Variants in TRIQK observed in about 807,000 individuals in gnomAD.
TRIQK encodes the protein triple QxxK/R motif containing.
TRIQK carries 10 observed loss-of-function variants against 10.8 expected under a neutral mutation model. The observed-to-expected ratio is 0.92, with a 90% CI of 0.57 to 1.57. The LOEUF is 1.57. Among genes scored for constraint, TRIQK ranks in the 40% most tolerant of loss-of-function variants. The pLI is 0.00. For synonymous variants in TRIQK, 33 were observed against 33.7 expected, an observed-to-expected ratio of 0.98 and a Z score of 0.07; for missense variants, 107 against 97.7, an observed-to-expected ratio of 1.09 and a Z score of -0.40.
At chr8:92,903,220 G>T (rs975915243) in intron 3 of TRIQK, among the ~76,000 whole-genome samples, 1 of 152,120 alleles carries the variant, frequency 6.6e-6, no homozygotes, top group African/African-American at 2.4e-5. Context: ...AATAAGAAGT[G>T]CATTTATTTT....
intron 2 of TRIQK, among the ~76,000 whole-genome samples, chr8:92,923,239 T>C (rs1205533826): frequency 1.3e-5 from 2 of 151,816 alleles, no homozygotes; most frequent in African/African-American, 2.4e-5. Flanking sequence ...GATGGTTAGA[T>C]AGCAAACTCC....
chr8:92,886,315 A>C lies in TRIQK; in HGVS notation c.*307T>G, dbSNP rs1252628911. On this transcript the variant is annotated 3_prime_UTR_variant, in exon 5 of 5. Transcript: ENST00000521988. The stretch of plus-strand genomic sequence containing the variant: ...ACTCATCAGGAAGTGATGGAATTAT[A>C]CACATAAATTGGCAATGACATTTGA... 1.1e-5 allele frequency: 2 copies of C among 175,786 alleles called. No homozygotes were observed. The highest frequency in any genetic ancestry group is 4.7e-5 in the African/African-American group (2 of 42,166). The allele number at this position is 175,786 out of a possible 1,614,324, so 10.9% of individuals were successfully genotyped here.
intron 3 of TRIQK, among the ~76,000 whole-genome samples, chr8:92,916,058 T>C (rs1325546388): frequency 6.6e-6 from 1 of 152,096 alleles, no homozygotes; most frequent in Non-Finnish European, 1.5e-5. Context: ...AAAGCAATGG[T>C]ACAGATGGAA....
intron 2 of TRIQK, among the ~76,000 whole-genome samples, chr8:92,932,072 G>T (rs1004623893): frequency 6.6e-6 from 1 of 152,108 alleles, no homozygotes; most frequent in Admixed American, 6.6e-5. Flanking sequence ...ACTTCAAGCC[G>T]TCAGCTTCCA....
In TRIQK at chr8:92,885,827, T is replaced by C. The variant is rs1300438002; in HGVS notation, c.*795A>G. 2 of 151,692 alleles carry C rather than the reference T, an allele frequency of 1.3e-5. No individual in the cohort carries two copies. The highest frequency in any genetic ancestry group is 4.8e-5 in the African/African-American group (2 of 41,388). The allele number at this position is 151,692 out of a possible 1,614,324, so 9.4% of individuals were successfully genotyped here. On this transcript the variant is annotated 3_prime_UTR_variant, in exon 5 of 5. Coordinates refer to ENST00000521988, the MANE Select transcript of TRIQK (RefSeq NM_001171797.2). ...ATGTGAAAAAGACTGCTCAATTAAA[T>C]GACAGATTGTTACATATCTCCCTAA...
chr8:92,901,660 G>C (rs926940705), intron 3 of TRIQK, among the ~76,000 whole-genome samples: 5 of 151,976 alleles, frequency 3.3e-5, no homozygotes, highest in Non-Finnish European at 2.9e-5. Flanking sequence ...GAATTTGGTT[G>C]AGGATTTTTG....
In TRIQK at chr8:92,916,976, T is replaced by A. The variant is rs1470746184; in HGVS notation, c.14A>T (p.Asp5Val). The change falls in exon 3 of 5, where the codon GAT becomes GTT. Residue 5 changes from aspartate (D) to valine (V), a missense_variant. Asp to Val is a radical substitution (Grantham distance 152). Coordinates refer to ENST00000521988, the MANE Select transcript of TRIQK (RefSeq NM_001171797.2). The part of the protein sequence containing the change: MGRK[D>V]AATIKLPVDQ... The stretch of plus-strand genomic sequence containing the variant: ...AACAGGAAGTTTTATAGTAGCAGCA[T>A]CTTTTCTACCCATCTTTGATCTCCA... The A allele has an allele frequency of 8.6e-6, 13 of 1,510,346 alleles. No individual in the cohort carries two copies. The highest frequency in any genetic ancestry group is 1.3e-5 in the South Asian group (1 of 78,460). 93.6% of individuals were successfully genotyped at this position (1,510,346 alleles called of 1,614,324 possible). A position where few individuals can be genotyped will look rare whatever the true frequency, so the allele number is the denominator to read the frequency against.
At chr8:92,938,178 C>T (rs931119610) in intron 2 of TRIQK, among the ~76,000 whole-genome samples, 3 of 151,954 alleles carry the variant, frequency 2.0e-5, no homozygotes, top group African/African-American at 7.2e-5. Context: ...TGAAAGCTAA[C>T]ACTCCTTTGT....
chr8:92,929,307 G>C (rs537550883), intron 2 of TRIQK, among the ~76,000 whole-genome samples: 10 of 152,284 alleles, frequency 6.6e-5, no homozygotes, highest in African/African-American at 2.4e-4. Flanking sequence ...AAGTAGGTAT[G>C]GGGTGGCTGA....
At chr8:92,940,675 T>G (rs1335285778) in intron 2 of TRIQK, among the ~76,000 whole-genome samples, 2 of 152,128 alleles carry the variant, frequency 1.3e-5, no homozygotes, top group Admixed American at 1.3e-4. Context: ...AACACAATAA[T>G]AGCACAGGAC....
At chr8:92,966,783 A>G (rs1239381488), upstream of TRIQK, among the ~76,000 whole-genome samples, 3 of 152,138 alleles carry the variant, frequency 2.0e-5, no homozygotes, top group Non-Finnish European at 2.9e-5. Flanking sequence ...GAAAGGCTAG[A>G]TTTATTCAAC....
At chr8:92,984,574 G>A (rs984785670) in intron 1 of TRIQK, among the ~76,000 whole-genome samples, 1 of 152,122 alleles carries the variant, frequency 6.6e-6, no homozygotes, top group African/African-American at 2.4e-5. Flanking sequence ...AAATCATTTA[G>A]TTTGCCTTTT....
intron 1 of TRIQK, among the ~76,000 whole-genome samples, chr8:92,993,546 C>T (rs1813119281): frequency 6.6e-6 from 1 of 152,120 alleles, no homozygotes; most frequent in African/African-American, 2.4e-5. Flanking sequence ...CAGAAAACAC[C>T]CAGATACGCT....
chr8:92,886,765 T>C (rs1405705321), intron 4 of TRIQK, 30 bp from the exon 5 acceptor site: 2 of 1,257,348 alleles, frequency 1.6e-6, no homozygotes, highest in Non-Finnish European at 2.2e-6. Context: ...AGACTTGAAA[T>C]TGATGAAAAA....
chr8:92,942,362 C>T (rs1811311249), intron 2 of TRIQK, among the ~76,000 whole-genome samples: 1 of 152,110 alleles, frequency 6.6e-6, no homozygotes, highest in South Asian at 2.1e-4. Context: ...ATGATAAAAA[C>T]TCTCAACAAA....
At chr8:92,904,354 A>G (rs1809130718) in intron 3 of TRIQK, among the ~76,000 whole-genome samples, 1 of 152,134 alleles carries the variant, frequency 6.6e-6, no homozygotes. Flanking sequence ...AGAAAAGGAA[A>G]TGTATACTCC....
chr8:92,988,220 G>A (rs906738056), intron 1 of TRIQK, among the ~76,000 whole-genome samples: 41 of 151,584 alleles, frequency 2.7e-4, no homozygotes, highest in African/African-American at 9.9e-4. Flanking sequence ...GTTTCACCGT[G>A]TTAGCCAGGA....
chr8:93,011,636 A>G lies in TRIQK; in HGVS notation c.-181+5973T>C, dbSNP rs79985799. 7.9e-3 allele frequency among the ~76,000 whole-genome samples: 1,198 copies of G among 152,286 alleles called. 15 individuals are homozygous for G. Among genetic ancestry groups the G allele is most frequent in the Non-Finnish European group, 0.012 (841 of 68,010 alleles). Reference sequence around the variant, plus strand: ...GTAGCAATCTAGGTTTTGTGGAGAAAAAACATATGAGTAGGGAAAAAGATG... The same window carrying G: ...GTAGCAATCTAGGTTTTGTGGAGAAGAAACATATGAGTAGGGAAAAAGATG... On this transcript the variant is annotated intron_variant, in intron 1 of 4. Transcript: ENST00000520686.
At chr8:92,993,598 G>A (rs1813120201) in intron 1 of TRIQK, among the ~76,000 whole-genome samples, 1 of 152,182 alleles carries the variant, frequency 6.6e-6, no homozygotes, top group Non-Finnish European at 1.5e-5. Flanking sequence ...TCTGCCATCA[G>A]GTAGGCAGAA....
Sources: allele counts gnomAD v4.1 joint callset (sites outside exome capture counted in the v4.1 genomes callset), GRCh38; gene constraint gnomAD v4.1.1; transcripts MANE v1.5; gene names NCBI Gene and HGNC (gene_info 2026-07-23, HGNC 2026-07-21).